The following CEP126 variants were observed in gnomAD, a reference collection of about 807,000 sequenced individuals.
The protein encoded by CEP126 is centrosomal protein 126.
Under a neutral mutation model 107.8 loss-of-function variants are expected in CEP126, and 74 were observed. The ratio of observed to expected loss-of-function variants is 0.69; its 90% CI spans 0.57 to 0.83. CEP126 has a LOEUF of 0.83. Among genes scored for constraint, CEP126 ranks in the 40% least tolerant of loss-of-function variants. The probability of loss-of-function intolerance (pLI) is 0.00; values close to 1 mark genes in which losing one functional copy is unlikely to be tolerated. For missense variants in CEP126, 1,237 were observed against 1,281.9 expected (o/e 0.96, Z 0.53); for synonymous variants, 449 against 446.0 (o/e 1.01, Z -0.08).
chr11:101,944,456 C>T (rs199678881), intron 3 of CEP126, 46 bp downstream of exon 3: 53 of 1,532,130 alleles, frequency 3.5e-5, no homozygotes, highest in Non-Finnish European at 4.4e-5. Flanking sequence ...GTTTTAATCT[C>T]ATTTGACTTG....
chr11:101,945,104 A>C (rs1451376563), intron 3 of CEP126, among the ~76,000 whole-genome samples: 2 of 152,212 alleles, frequency 1.3e-5, no homozygotes, highest in East Asian at 3.9e-4. Context: ...GAGTGGTATA[A>C]GCAATGTCAA....
chr11:101,921,183 T>A (rs1030982278), intron 1 of CEP126, among the ~76,000 whole-genome samples: 6 of 152,166 alleles, frequency 3.9e-5, no homozygotes, highest in African/African-American at 1.4e-4. Context: ...TTCCTAGTGG[T>A]TTTTTATAAC....
chr11:101,945,361 G>A (rs550003034), intron 3 of CEP126, among the ~76,000 whole-genome samples: 36 of 151,898 alleles, frequency 2.4e-4, no homozygotes, highest in African/African-American at 8.2e-4. Context: ...GGGAAAAGAA[G>A]AAAAATGGAT....
At chr11:101,937,685 A>G (rs913673519) in intron 2 of CEP126, among the ~76,000 whole-genome samples, 1 of 152,256 alleles carries the variant, frequency 6.6e-6, no homozygotes, top group East Asian at 1.9e-4. Context: ...TATTTTGAAA[A>G]TGGTTGTGTA....
chr11:101,963,714 T>C lies in CEP126; in HGVS notation c.2679T>C (p.Asn893=), dbSNP rs1941020389. ...CTTTCGCAAAAATAAATCATTCAAA[T>C]GGCACTCAAGCAGTTGCCCGGCAAG... The part of the protein sequence containing the change: ...CQTFAKINHS[N]GTQAVARQDA... Residue 893 remains asparagine (N), a synonymous_variant, in exon 6 of 11, where the codon AAT becomes AAC. Transcript: ENST00000263468. The C allele has an allele frequency of 6.2e-7, 1 of 1,613,932 alleles. No homozygotes were observed. The highest frequency in any genetic ancestry group is 1.3e-5 in the African/African-American group (1 of 74,874).
chr11:101,920,496 TA>T (rs150898202), intron 1 of CEP126, among the ~76,000 whole-genome samples: 8,927 of 152,104 alleles, frequency 0.059, 485 homozygotes, highest in East Asian at 0.27. Context: ...CTGTTTGTTC[TA>T]AAAAAGACAA....
At chr11:101,971,914 G>A (rs1941133824) in intron 6 of CEP126, among the ~76,000 whole-genome samples, 1 of 151,840 alleles carries the variant, frequency 6.6e-6, no homozygotes, top group African/African-American at 2.4e-5. Flanking sequence ...TTTGAGACCA[G>A]CCTGGCCAAC....
chr11:101,973,930 A>G (rs1170338759), intron 6 of CEP126, among the ~76,000 whole-genome samples: 1 of 152,114 alleles, frequency 6.6e-6, no homozygotes, highest in Admixed American at 6.5e-5. Context: ...AGTTTTTTAC[A>G]TATTGTATAT....
intron 4 of CEP126, chr11:101,955,910 G>C (rs571278554): frequency 6.6e-6 from 3 of 456,192 alleles, no homozygotes; most frequent in Non-Finnish European, 1.3e-5. Flanking sequence ...CTACCCAACT[G>C]TTTCTCCTGC....
chr11:101,935,991 A>G (rs1256052747), intron 2 of CEP126, among the ~76,000 whole-genome samples: 1 of 152,030 alleles, frequency 6.6e-6, no homozygotes, highest in Non-Finnish European at 1.5e-5. Flanking sequence ...GTAGCCTCTG[A>G]TTTTGTTTTG....
In CEP126 at chr11:101,934,819, C is replaced by T. The variant is rs920312298; in HGVS notation, c.249-9446C>T. Among the ~76,000 whole-genome samples the T allele has an allele frequency of 4.6e-5, 7 of 152,048 alleles. No homozygotes were observed. In the East Asian group the frequency reaches 7.7e-4, roughly 17 times the overall value. On this transcript the variant is annotated intron_variant, in intron 2 of 10. Transcript: ENST00000263468. ...TTGGGACTACTAATAAAGCTGCTGG[C>T]GGAAAGATAATTATAGTCAAAATGG...
intron 2 of CEP126, among the ~76,000 whole-genome samples, chr11:101,931,017 G>C (rs1940491408): frequency 6.6e-6 from 1 of 152,098 alleles, no homozygotes; most frequent in South Asian, 2.1e-4. Flanking sequence ...TCTCCTTCTA[G>C]CAGCTCCTTC....
intron 2 of CEP126, among the ~76,000 whole-genome samples, chr11:101,941,545 T>G (rs1483736450): frequency 4.6e-5 from 7 of 152,206 alleles, no homozygotes; most frequent in African/African-American, 1.4e-4. Context: ...ATTCATCCAT[T>G]TATGAACAGT....
intron 9 of CEP126, among the ~76,000 whole-genome samples, chr11:101,988,384 G>A (rs1289282503): frequency 1.3e-5 from 2 of 152,118 alleles, no homozygotes; most frequent in Non-Finnish European, 2.9e-5. Flanking sequence ...GAGACAAAGA[G>A]ATGGAAAATA....
intron 3 of CEP126, among the ~76,000 whole-genome samples, chr11:101,947,472 G>A (rs1188074848): frequency 6.6e-6 from 1 of 152,062 alleles, no homozygotes; most frequent in African/African-American, 2.4e-5. Flanking sequence ...AGGACATAGG[G>A]TTATATTAAA....
intron 4 of CEP126, among the ~76,000 whole-genome samples, chr11:101,954,844 G>C (rs779232303): frequency 2.4e-4 from 37 of 152,182 alleles, no homozygotes; most frequent in Admixed American, 7.8e-4. Flanking sequence ...TAAGAATCAG[G>C]TGTTAGGTTA....
At chr11:101,971,835 GC>G (rs1483709436) in intron 6 of CEP126, among the ~76,000 whole-genome samples, 7 of 152,246 alleles carry the variant, frequency 4.6e-5, no homozygotes, top group Non-Finnish European at 1.0e-4. Flanking sequence ...GCGGCCAGGT[GC>G]CGTGGCTCAC....
intron 1 of CEP126, among the ~76,000 whole-genome samples, chr11:101,920,718 A>G (rs1371044701): frequency 6.6e-6 from 1 of 150,938 alleles, no homozygotes; most frequent in Non-Finnish European, 1.5e-5. Context: ...CGATCTTCCC[A>G]CATCAGCCTC....
At chr11:101,952,237 G>A (rs1940823066) in intron 4 of CEP126, among the ~76,000 whole-genome samples, 1 of 152,208 alleles carries the variant, frequency 6.6e-6, no homozygotes, top group Admixed American at 6.5e-5. Flanking sequence ...ACAGTGAGAA[G>A]AGAGTTGTGG....
Sources: gnomAD v4.1 joint callset for allele counts (sites outside exome capture counted in the v4.1 genomes callset) on GRCh38, gnomAD v4.1.1 for gene constraint, MANE v1.5 for transcripts, NCBI Gene and HGNC (gene_info 2026-07-23, HGNC 2026-07-21) for gene names.